CNTNAP2: variants seen among roughly 807,000 people sequenced by gnomAD.
CNTNAP2 encodes contactin-associated protein-like 2.
Under a neutral mutation model 155.2 loss-of-function variants are expected in CNTNAP2, and 98 were observed. The ratio of observed to expected loss-of-function variants is 0.63; its 90% CI spans 0.54 to 0.75. The LOEUF (loss-of-function observed/expected upper bound fraction) is 0.75. Ranked by LOEUF, CNTNAP2 falls within the 30% of genes least tolerant of loss-of-function variation. The probability of loss-of-function intolerance (pLI) is 0.00; values close to 1 mark genes in which losing one functional copy is unlikely to be tolerated. For synonymous variants in CNTNAP2, 651 were observed against 631.2 expected (o/e 1.03, Z -0.47); for missense variants, 1,727 against 1,688.1 (o/e 1.02, Z -0.40).
chr7:146,865,754 A>G (rs952313882), intron 3 of CNTNAP2, among the ~76,000 whole-genome samples: 8 of 152,122 alleles, frequency 5.3e-5, no homozygotes, highest in African/African-American at 1.9e-4. Context: ...TATTAGCCAT[A>G]AAAATGATAA....
intron 1 of CNTNAP2, among the ~76,000 whole-genome samples, chr7:146,744,948 T>G (rs1337473079): frequency 6.6e-6 from 1 of 152,212 alleles, no homozygotes; most frequent in Non-Finnish European, 1.5e-5. Context: ...CTAAAAAGAT[T>G]GGCTTTTTAA....
rs182231144 is a variant in CNTNAP2 at position 146,535,442 on chromosome 7, T to A, written c.98-238829T>A. On this transcript the variant is annotated intron_variant, in intron 1 of 23. Coordinates refer to ENST00000361727, the MANE Select transcript of CNTNAP2 (RefSeq NM_014141.6). ...TATGATATATATATTATATACATGGTCATGGTAGGTTTTCACGACAGGCAT... is the reference window on the plus strand; with the variant it reads ...TATGATATATATATTATATACATGGACATGGTAGGTTTTCACGACAGGCAT... Among the ~76,000 whole-genome samples, 5 of 117,438 alleles carry A rather than the reference T, an allele frequency of 4.3e-5. 1 individual carries two copies. In the East Asian group the frequency reaches 1.2e-3, roughly 28 times the overall value. The allele number at this position is 117,438 out of a possible 152,430, so 77.0% of individuals were successfully genotyped here.
chr7:148,383,102 C>T (rs1025212535), intron 21 of CNTNAP2, among the ~76,000 whole-genome samples: 18 of 151,480 alleles, frequency 1.2e-4, no homozygotes, highest in African/African-American at 3.2e-4. Context: ...AGACACTAGC[C>T]GGGGATTCTG....
intron 21 of CNTNAP2, among the ~76,000 whole-genome samples, chr7:148,337,869 A>C (rs1798147039): frequency 6.6e-6 from 1 of 152,210 alleles, no homozygotes; most frequent in African/African-American, 2.4e-5. Context: ...TGAAAGAGCA[A>C]TGGGTCAGGG....
intron 1 of CNTNAP2, among the ~76,000 whole-genome samples, chr7:146,242,571 A>G (rs1799580937): frequency 6.6e-6 from 1 of 151,974 alleles, no homozygotes; most frequent in African/African-American, 2.4e-5. Flanking sequence ...GAAAAAACAA[A>G]ACCAAACCCT....
chr7:147,635,525 G>A (rs1405121793), intron 12 of CNTNAP2, among the ~76,000 whole-genome samples: 1 of 152,074 alleles, frequency 6.6e-6, no homozygotes, highest in Non-Finnish European at 1.5e-5. Context: ...AATATTTGTT[G>A]AATGCATGGG....
At chr7:146,454,432 C>G (rs1796526084) in intron 1 of CNTNAP2, among the ~76,000 whole-genome samples, 1 of 152,060 alleles carries the variant, frequency 6.6e-6, no homozygotes, top group Non-Finnish European at 1.5e-5. Context: ...ATGTAATGGT[C>G]TAGCTGATGG....
rs112582014 is a variant in CNTNAP2 at position 146,880,778 on chromosome 7, A to G, written c.402+40874A>G. On this transcript the variant is annotated intron_variant, in intron 3 of 23. Transcript: ENST00000361727. ...ATTTTGTCATCTCTTTGGAAACTCA[A>G]ACTTACAGAGGGCTGAATATTTGTT... Among the ~76,000 whole-genome samples, 1,144 of 152,284 alleles carry G rather than the reference A, an allele frequency of 7.5e-3. 12 individuals are homozygous for G. Among genetic ancestry groups the G allele is most frequent in the African/African-American group, 0.026 (1,067 of 41,564 alleles).
In CNTNAP2 at chr7:148,365,980, GTATA is replaced by G. The variant is rs1798753555; in HGVS notation, c.3476-17668_3476-17665del. 7.2e-4 allele frequency among the ~76,000 whole-genome samples: 2 copies of G among 2,770 alleles called. 1 individual carries two copies. Among genetic ancestry groups the G allele is most frequent in the African/African-American group, 8.7e-4 (2 of 2,292 alleles). 1.8% of individuals were successfully genotyped at this position (2,770 alleles called of 152,430 possible). Reference sequence around the variant, plus strand: ...TGCATGTATACATGTGTGTATGCATGTATACATGTGTGTATGCATGTATGCATGT... The same window carrying G: ...TGCATGTATACATGTGTGTATGCATGCATGTGTGTATGCATGTATGCATGT... On this transcript the variant is annotated intron_variant, in intron 21 of 23. Transcript: ENST00000361727.
At chr7:147,416,818 G>T (rs577385851) in intron 10 of CNTNAP2, among the ~76,000 whole-genome samples, 1 of 152,236 alleles carries the variant, frequency 6.6e-6, no homozygotes, top group Admixed American at 6.5e-5. Flanking sequence ...TAGAGGCCGT[G>T]TGCAGTGGCT....
intron 8 of CNTNAP2, among the ~76,000 whole-genome samples, chr7:147,188,435 T>A (rs1048489170): frequency 2.0e-5 from 3 of 152,202 alleles, no homozygotes; most frequent in African/African-American, 7.2e-5. Context: ...GATGTAATAT[T>A]GATAGAAGAG....
At chr7:147,531,131 G>A (rs1398207513) in intron 11 of CNTNAP2, among the ~76,000 whole-genome samples, 1 of 152,172 alleles carries the variant, frequency 6.6e-6, no homozygotes, top group Non-Finnish European at 1.5e-5. Flanking sequence ...TGGCTTTACA[G>A]GGTACAGCCT....
At position 147,395,863 on chromosome 7, in the gene CNTNAP2, A is replaced by G. The variant is rs1584923026; in HGVS notation, c.1670+83A>G. The G allele has an allele frequency of 3.4e-6, 5 of 1,478,082 alleles. No individual in the cohort carries two copies. The East Asian group carries it at 1.1e-4, about 34-fold the overall frequency. 91.6% of individuals were successfully genotyped at this position (1,478,082 alleles called of 1,614,324 possible). ...GTTGTGAGACCAGTGAAACATCCCA[A>G]AAGAAAATTAAAGTTAAAAACAGGT... is the stretch of plus-strand genomic sequence containing the variant. On this transcript the variant is annotated intron_variant, in intron 10 of 23. Transcript: ENST00000361727.
At chr7:147,344,146 T>C (rs1029029689) in intron 9 of CNTNAP2, among the ~76,000 whole-genome samples, 2 of 152,160 alleles carry the variant, frequency 1.3e-5, no homozygotes, top group Non-Finnish European at 2.9e-5. Flanking sequence ...TTAAAGCCCA[T>C]GTCTTTTCCA....
At chr7:148,021,334 T>C (rs888685724) in intron 15 of CNTNAP2, among the ~76,000 whole-genome samples, 3 of 152,204 alleles carry the variant, frequency 2.0e-5, no homozygotes, top group African/African-American at 4.8e-5. Flanking sequence ...AAGAGGCTTA[T>C]GGTTTAGAAG....
At chr7:147,581,738 C>T (rs1013628354) in intron 12 of CNTNAP2, among the ~76,000 whole-genome samples, 15 of 152,122 alleles carry the variant, frequency 9.9e-5, no homozygotes, top group South Asian at 4.1e-4. Flanking sequence ...AACATGTACT[C>T]GGTTTAGTTA....
intron 1 of CNTNAP2, among the ~76,000 whole-genome samples, chr7:146,652,718 C>T (rs1248377848): frequency 1.3e-5 from 2 of 151,974 alleles, no homozygotes; most frequent in East Asian, 3.9e-4. Context: ...AATTTTCAGA[C>T]CAAATAGATC....
chr7:148,404,527 C>T (rs1799655590), intron 22 of CNTNAP2, among the ~76,000 whole-genome samples: 3 of 152,136 alleles, frequency 2.0e-5, no homozygotes, highest in South Asian at 2.1e-4. Context: ...AAACCTTTTG[C>T]GGGACGGCGA....
chr7:148,132,839 G>A (rs981273045), intron 16 of CNTNAP2, among the ~76,000 whole-genome samples: 16 of 152,150 alleles, frequency 1.1e-4, no homozygotes, highest in Admixed American at 7.2e-4. Flanking sequence ...GGGCTCCCAC[G>A]TGGCTTCCAG....
Sources: gnomAD v4.1 joint callset for allele counts (sites outside exome capture counted in the v4.1 genomes callset) on GRCh38, gnomAD v4.1.1 for gene constraint, MANE v1.5 for transcripts, NCBI Gene and HGNC (gene_info 2026-07-23, HGNC 2026-07-21) for gene names.